The following DNAAF9 variants were observed in gnomAD, a reference collection of about 807,000 sequenced individuals.
The protein encoded by DNAAF9 is dynein axonemal assembly factor 9.
In DNAAF9, 90 loss-of-function variants were observed where a neutral mutation model predicts 167.0. That is an observed-to-expected ratio of 0.54 (90% CI 0.45 to 0.64). The LOEUF (loss-of-function observed/expected upper bound fraction) is 0.64. Ranked by LOEUF, DNAAF9 falls within the 30% of genes least tolerant of loss-of-function variation. The pLI is 0.00. For synonymous variants in DNAAF9, 491 were observed against 508.8 expected (o/e 0.96, Z 0.47); for missense variants, 1,315 against 1,442.2 (o/e 0.91, Z 1.43).
At chr20:3,260,896 T>C (rs2068374100) in intron 31 of DNAAF9, among the ~76,000 whole-genome samples, 1 of 152,086 alleles carries the variant, frequency 6.6e-6, no homozygotes, top group African/African-American at 2.4e-5. Context: ...CTTCCCAAAG[T>C]GCTAGGATTA....
chr20:3,303,863 G>T (rs957503470), intron 21 of DNAAF9, among the ~76,000 whole-genome samples: 7 of 152,230 alleles, frequency 4.6e-5, no homozygotes, highest in African/African-American at 1.7e-4. Context: ...AAGTGTTGGT[G>T]CAGACTGGTG....
At chr20:3,272,396 T>G (rs1600684257) in intron 29 of DNAAF9, among the ~76,000 whole-genome samples, 3 of 152,112 alleles carry the variant, frequency 2.0e-5, no homozygotes, top group South Asian at 4.2e-4. Context: ...TTGGCTAATT[T>G]TTTTATTTTT....
chr20:3,300,535 C>G (rs2069165979), intron 21 of DNAAF9, among the ~76,000 whole-genome samples: 1 of 149,122 alleles, frequency 6.7e-6, no homozygotes, highest in African/African-American at 2.6e-5. Context: ...ACTGCAACCT[C>G]TGTCTCCTGG....
chr20:3,308,341 CTTT>C (rs35610785), intron 20 of DNAAF9, among the ~76,000 whole-genome samples: 15 of 105,398 alleles, frequency 1.4e-4, no homozygotes, highest in Admixed American at 6.5e-4. Context: ...CAAAACTTTA[CTTT>C]TTTTTTTTTT....
At chr20:3,347,407 C>A (rs1394635365) in intron 8 of DNAAF9, among the ~76,000 whole-genome samples, 1 of 152,034 alleles carries the variant, frequency 6.6e-6, no homozygotes, top group Non-Finnish European at 1.5e-5. Flanking sequence ...AAAGACCAAC[C>A]TTCAAGGAGA....
rs6133023 is a variant in DNAAF9 at position 3,267,679 on chromosome 20, A to T, written c.2786+2748T>A. ...GTGAAACCCTGCCACTACTAAAAAT[A>T]GAAAAATTAGTCTGGTATGGTGGTA... On this transcript the variant is annotated intron_variant, in intron 30 of 36. Coordinates refer to ENST00000252032, the MANE Select transcript of DNAAF9 (RefSeq NM_001009984.3). 6.1e-3 allele frequency among the ~76,000 whole-genome samples: 933 copies of T among 152,218 alleles called. 67 individuals are homozygous for T. The East Asian group carries it at 0.15, about 24-fold the overall frequency.
At chr20:3,285,991 A>G (rs2068847448) in intron 27 of DNAAF9, among the ~76,000 whole-genome samples, 1 of 152,012 alleles carries the variant, frequency 6.6e-6, no homozygotes, top group Non-Finnish European at 1.5e-5. Flanking sequence ...AAAAAAAAAA[A>G]GAAAAAGAAA....
intron 31 of DNAAF9, among the ~76,000 whole-genome samples, chr20:3,261,666 C>T (rs567947197): frequency 6.6e-6 from 1 of 151,524 alleles, no homozygotes. Context: ...GCACCTGCCC[C>T]TGTTTCCTTT....
At chr20:3,374,223 A>AC in intron 5 of DNAAF9, 69 bp from the exon 6 acceptor site, 3 of 982,436 alleles carry the variant, frequency 3.1e-6, no homozygotes, top group Non-Finnish European at 4.7e-6. Flanking sequence ...ACCTGACCTA[A>AC]CATGGTTAGA....
intron 16 of DNAAF9, among the ~76,000 whole-genome samples, chr20:3,319,502 G>A (rs1003378234): frequency 6.6e-6 from 1 of 152,104 alleles, no homozygotes; most frequent in Admixed American, 6.5e-5. Flanking sequence ...AGTCTGTGAT[G>A]ACCAGGAAGA....
chr20:3,355,771 C>T (rs879752361), intron 7 of DNAAF9, among the ~76,000 whole-genome samples: 7 of 152,014 alleles, frequency 4.6e-5, no homozygotes, highest in Non-Finnish European at 8.8e-5. Context: ...TAATATGACA[C>T]TAGGTTCTGT....
At chr20:3,279,139 A>G (rs2068723845) in intron 28 of DNAAF9, among the ~76,000 whole-genome samples, 190 bp from the exon 29 acceptor site, 1 of 152,170 alleles carries the variant, frequency 6.6e-6, no homozygotes, top group South Asian at 2.1e-4. Context: ...CCACACCAGG[A>G]GCCCCACAGA....
intron 28 of DNAAF9, among the ~76,000 whole-genome samples, chr20:3,280,259 T>G (rs2068742856): frequency 6.6e-6 from 1 of 152,068 alleles, no homozygotes; most frequent in Admixed American, 6.5e-5. Flanking sequence ...CAGTAAGCAT[T>G]CTTTTACTTA....
intron 25 of DNAAF9, among the ~76,000 whole-genome samples, chr20:3,291,579 G>C (rs1192059588): frequency 6.6e-6 from 1 of 151,888 alleles, no homozygotes; most frequent in East Asian, 1.9e-4. Flanking sequence ...TCTTGACCTC[G>C]TGATCCACCT....
rs761279344 is a variant in DNAAF9, at chr20:3,256,020, G to A, written c.3247C>T (p.Gln1083Ter). ...KEDSIKDWLR[Q>*]SAKQKPQRKA... ...CTGGAAACCACCTGCTTAGCTGACT[G>A]CCGCAGCCAGTCCTTGATGCTGTCT... Residue 1083 changes from glutamine to a stop codon, truncating the protein, a stop_gained, in exon 34 of 37, where the codon CAG (glutamine) becomes TAG (stop). Transcript: ENST00000252032. LOFTEE classifies it high-confidence loss of function. 6 of 1,612,888 alleles carry A rather than the reference G, an allele frequency of 3.7e-6. No homozygotes were observed. The highest frequency in any genetic ancestry group is 5.1e-6 in the Non-Finnish European group (6 of 1,179,734).
At chr20:3,342,348 T>G (rs547672840) in intron 9 of DNAAF9, among the ~76,000 whole-genome samples, 1 of 152,352 alleles carries the variant, frequency 6.6e-6, no homozygotes, top group African/African-American at 2.4e-5. Flanking sequence ...TTCTCCTTCA[T>G]GGCACCAATC....
chr20:3,340,831 G>T, intron 9 of DNAAF9, 192 bp from the exon 10 acceptor site: 1 of 573,998 alleles, frequency 1.7e-6, no homozygotes, highest in East Asian at 3.0e-5. Context: ...CTGACCCACA[G>T]GGATCAGTTA....
chr20:3,286,477 G>T (rs918386113), intron 27 of DNAAF9, among the ~76,000 whole-genome samples: 13 of 152,172 alleles, frequency 8.5e-5, no homozygotes, highest in African/African-American at 3.1e-4. Context: ...CTCAACTGGT[G>T]GGGGCAGGCA....
At chr20:3,331,880 G>A (rs2069835949) in intron 11 of DNAAF9, among the ~76,000 whole-genome samples, 1 of 152,158 alleles carries the variant, frequency 6.6e-6, no homozygotes. Context: ...TGCCATGTTG[G>A]CCAGGCTGGT....
Sources: gnomAD v4.1 joint callset for allele counts (sites outside exome capture counted in the v4.1 genomes callset) on GRCh38, gnomAD v4.1.1 for gene constraint, MANE v1.5 for transcripts, NCBI Gene and HGNC (gene_info 2026-07-23, HGNC 2026-07-21) for gene names.